Variants in CHN2 observed in about 807,000 individuals in gnomAD.
CHN2 encodes the protein beta-chimaerin.
In CHN2, 35 loss-of-function variants were observed where a neutral mutation model predicts 56.3. That is an observed-to-expected ratio of 0.62 (90% CI 0.47 to 0.82). The LOEUF is 0.82. CHN2 is among the 40% of genes least tolerant of loss of function. The probability of loss-of-function intolerance (pLI) is 0.00; values close to 1 mark genes in which losing one functional copy is unlikely to be tolerated. For synonymous variants in CHN2, 210 were observed against 212.8 expected (o/e 0.99, Z 0.12); for missense variants, 491 against 580.5 (o/e 0.85, Z 1.58).
At chr7:29,276,208 G>T (rs984519721) in intron 1 of CHN2, among the ~76,000 whole-genome samples, 2 of 152,078 alleles carry the variant, frequency 1.3e-5, no homozygotes, top group African/African-American at 4.8e-5. Flanking sequence ...AGTGTAAGGA[G>T]GGGCTGGGAA....
intron 1 of CHN2, among the ~76,000 whole-genome samples, chr7:29,210,231 G>A (rs545511215): frequency 1.3e-4 from 20 of 152,206 alleles, no homozygotes; most frequent in Admixed American, 9.8e-4. Context: ...ATTACCAGTG[G>A]CATCATTTGT....
At chr7:29,414,060 T>C (rs1803495916) in intron 6 of CHN2, among the ~76,000 whole-genome samples, 1 of 152,166 alleles carries the variant, frequency 6.6e-6, no homozygotes, top group Non-Finnish European at 1.5e-5. Context: ...TTGAAAAGGA[T>C]TGGGCAATAC....
At chr7:29,356,780 C>T (rs533290821) in intron 2 of CHN2, among the ~76,000 whole-genome samples, 2 of 152,136 alleles carry the variant, frequency 1.3e-5, no homozygotes, top group East Asian at 1.9e-4. Flanking sequence ...TTTGAAAGGC[C>T]GTGCTAATGA....
chr7:29,266,391 CTA>C (rs1364053945), intron 1 of CHN2, among the ~76,000 whole-genome samples: 1 of 152,126 alleles, frequency 6.6e-6, no homozygotes, highest in Admixed American at 6.5e-5. Context: ...AGTATATTTC[CTA>C]AACCACAGAC....
intron 2 of CHN2, among the ~76,000 whole-genome samples, chr7:29,178,085 T>G (rs1386384443): frequency 1.3e-5 from 2 of 152,168 alleles, no homozygotes; most frequent in Non-Finnish European, 2.9e-5. Context: ...GTTGTCAGAT[T>G]CTACCCTAAG....
At chr7:29,472,291 A>ACACACG (rs1554298714) in intron 6 of CHN2, among the ~76,000 whole-genome samples, 29 of 150,340 alleles carry the variant, frequency 1.9e-4, no homozygotes, top group African/African-American at 6.6e-4. Flanking sequence ...ACACACACAC[A>ACACACG]CACACACGCA....
intron 6 of CHN2, chr7:29,479,519 A>C: frequency 3.3e-6 from 1 of 299,612 alleles, no homozygotes; most frequent in Non-Finnish European, 4.9e-6. Context: ...AAGAATAAAA[A>C]TTAAGCTTTC....
intron 8 of CHN2, among the ~76,000 whole-genome samples, chr7:29,496,939 TA>T (rs1250449355): frequency 6.6e-6 from 1 of 152,194 alleles, no homozygotes; most frequent in Non-Finnish European, 1.5e-5. Context: ...ATATGATTTT[TA>T]AAAATCTCAG....
At chr7:29,414,797 T>G (rs1047596486) in intron 6 of CHN2, among the ~76,000 whole-genome samples, 1 of 152,118 alleles carries the variant, frequency 6.6e-6, no homozygotes, top group Admixed American at 6.5e-5. Context: ...CTCTCAGCCT[T>G]TACACAGCAT....
At chr7:29,176,428 C>T (rs1015278055) in intron 2 of CHN2, among the ~76,000 whole-genome samples, 3 of 151,938 alleles carry the variant, frequency 2.0e-5, no homozygotes, top group African/African-American at 7.2e-5. Flanking sequence ...GGCAGGAAAA[C>T]ATGTCAGAAC....
chr7:29,331,294 G>A (rs1346845239), intron 1 of CHN2, among the ~76,000 whole-genome samples: 1 of 152,200 alleles, frequency 6.6e-6, no homozygotes, highest in East Asian at 1.9e-4. Flanking sequence ...AACTAAGAGA[G>A]TCTGAAGCAT....
At chr7:29,317,613 A>G (rs1032888394) in intron 1 of CHN2, among the ~76,000 whole-genome samples, 2 of 152,368 alleles carry the variant, frequency 1.3e-5, no homozygotes, top group South Asian at 2.1e-4. Context: ...TCATTCATTC[A>G]TCAAACGTTT....
chr7:29,450,282 C>A (rs1243734077), intron 6 of CHN2, among the ~76,000 whole-genome samples: 1 of 152,174 alleles, frequency 6.6e-6, no homozygotes, highest in Non-Finnish European at 1.5e-5. Context: ...CCAAAGATAT[C>A]AGATCCTAAT....
chr7:29,167,764 T>C (rs1338320156), intron 2 of CHN2, among the ~76,000 whole-genome samples: 1 of 152,248 alleles, frequency 6.6e-6, no homozygotes, highest in Non-Finnish European at 1.5e-5. Context: ...ATTTCCAGTT[T>C]TCTCTGCTTC....
intron 1 of CHN2, among the ~76,000 whole-genome samples, chr7:29,348,634 C>A (rs1291066389): frequency 1.3e-5 from 2 of 152,162 alleles, no homozygotes; most frequent in Non-Finnish European, 2.9e-5. Context: ...TGTCTTTTGT[C>A]TCACTCCTAG....
At chr7:29,149,567 AG>A (rs1793301988) in intron 2 of CHN2, among the ~76,000 whole-genome samples, 1 of 152,224 alleles carries the variant, frequency 6.6e-6, no homozygotes, top group Non-Finnish European at 1.5e-5. Flanking sequence ...ACCATAGGAC[AG>A]GAGTATGTGC....
intron 6 of CHN2, among the ~76,000 whole-genome samples, chr7:29,411,064 A>G (rs887808489): frequency 6.6e-6 from 1 of 152,076 alleles, no homozygotes; most frequent in African/African-American, 2.4e-5. Flanking sequence ...ATCTCCAAAC[A>G]CCTGTGTATC....
chr7:29,260,295 T>C (rs1462987209), intron 1 of CHN2, among the ~76,000 whole-genome samples: 1 of 152,220 alleles, frequency 6.6e-6, no homozygotes, highest in Non-Finnish European at 1.5e-5. Context: ...TAACTTCGGA[T>C]TTGAGTCATG....
intron 3 of CHN2, chr7:29,376,326 T>G (rs569362751): frequency 6.6e-6 from 1 of 152,148 alleles, no homozygotes; most frequent in African/African-American, 2.4e-5. Flanking sequence ...TCCCTCTCAC[T>G]TTACACAGGA....
Sources: gnomAD v4.1 joint callset for allele counts (sites outside exome capture counted in the v4.1 genomes callset) on GRCh38, gnomAD v4.1.1 for gene constraint, MANE v1.5 for transcripts, NCBI Gene and HGNC (gene_info 2026-07-23, HGNC 2026-07-21) for gene names.